Variants in CENPP observed in about 807,000 individuals in gnomAD.
The protein encoded by CENPP is centromere protein P.
CENPP carries 24 observed loss-of-function variants against 35.6 expected under a neutral mutation model. That is an observed-to-expected ratio of 0.67 (90% confidence interval 0.49 to 0.95). The LOEUF is 0.95. Among genes scored for constraint, CENPP ranks in the 40% least tolerant of loss-of-function variants. The pLI is 0.00. For synonymous variants in CENPP, 120 were observed against 125.5 expected (o/e 0.96, Z 0.29); for missense variants, 332 against 345.3 (o/e 0.96, Z 0.31).
chr9:92,451,922 T>A (rs1844721750), intron 5 of CENPP, among the ~76,000 whole-genome samples: 1 of 151,996 alleles, frequency 6.6e-6, no homozygotes. Flanking sequence ...TGTATAAGAA[T>A]GCTTGTGATT....
chr9:92,615,874 G>A lies in CENPP; in HGVS notation c.*2725G>A, dbSNP rs1471694606. The A allele has an allele frequency of 6.2e-7, 1 of 1,613,992 alleles. No individual in the cohort carries two copies. Among genetic ancestry groups the A allele is most frequent in the African/African-American group, 1.3e-5 (1 of 74,904 alleles). ...CTAATGTGCAATCTTCGCTTTCCTT[G>A]AACCGAGTCGACATCACGGCGTTGT... On this transcript the variant is annotated 3_prime_UTR_variant, in exon 8 of 8. Coordinates refer to ENST00000375587, the MANE Select transcript of CENPP (RefSeq NM_001012267.3).
chr9:92,421,113 TG>T (rs1489907664), intron 5 of CENPP, among the ~76,000 whole-genome samples: 1 of 152,160 alleles, frequency 6.6e-6, no homozygotes, highest in African/African-American at 2.4e-5. Flanking sequence ...GGTGCACTCT[TG>T]GCTCACCCTC....
chr9:92,591,040 C>A (rs1327262343), intron 5 of CENPP, among the ~76,000 whole-genome samples: 1 of 152,176 alleles, frequency 6.6e-6, no homozygotes, highest in Admixed American at 6.5e-5. Flanking sequence ...AACATTTCCA[C>A]TCATTGAAAT....
At chr9:92,563,448 G>C (rs967016915) in intron 5 of CENPP, among the ~76,000 whole-genome samples, 2 of 152,176 alleles carry the variant, frequency 1.3e-5, no homozygotes, top group Non-Finnish European at 2.9e-5. Flanking sequence ...TAATAATAAA[G>C]CATAGCTCTT....
chr9:92,600,078 T>C (rs1850872858), intron 5 of CENPP, among the ~76,000 whole-genome samples: 1 of 152,236 alleles, frequency 6.6e-6, no homozygotes, highest in Non-Finnish European at 1.5e-5. Context: ...ACAGACTGTA[T>C]ATACCTAAGT....
At chr9:92,498,773 A>G (rs1229711885) in intron 5 of CENPP, among the ~76,000 whole-genome samples, 1 of 152,208 alleles carries the variant, frequency 6.6e-6, no homozygotes, top group Admixed American at 6.5e-5. Context: ...TCATTTTGAA[A>G]CAATTGTTTA....
intron 5 of CENPP, among the ~76,000 whole-genome samples, chr9:92,585,937 T>C (rs1850529164): frequency 6.6e-6 from 1 of 152,244 alleles, no homozygotes; most frequent in Non-Finnish European, 1.5e-5. Context: ...TTGTTCATTC[T>C]GACCTGTCTG....
chr9:92,382,372 G>A (rs1842272156), intron 5 of CENPP, among the ~76,000 whole-genome samples: 1 of 151,836 alleles, frequency 6.6e-6, no homozygotes, highest in Non-Finnish European at 1.5e-5. Flanking sequence ...TCTTTGTGTT[G>A]GGAACCGTCA....
intron 5 of CENPP, among the ~76,000 whole-genome samples, chr9:92,438,258 A>C (rs915840485): frequency 2.0e-5 from 3 of 152,108 alleles, no homozygotes; most frequent in African/African-American, 7.2e-5. Flanking sequence ...GTTTTGATTT[A>C]ATTTTTGTGT....
At chr9:92,457,440 C>G in intron 5 of CENPP, 1 of 1,613,280 alleles carries the variant, frequency 6.2e-7, no homozygotes, top group Non-Finnish European at 8.5e-7. Flanking sequence ...GGACAGAAGT[C>G]ATTTACTCCC....
intron 5 of CENPP, among the ~76,000 whole-genome samples, chr9:92,427,238 C>T (rs1843990494): frequency 1.3e-5 from 2 of 152,234 alleles, no homozygotes; most frequent in Admixed American, 1.3e-4. Flanking sequence ...TCTTGGCTCA[C>T]TGCAGCCTCC....
At chr9:92,526,885 C>T (rs530533346) in intron 5 of CENPP, among the ~76,000 whole-genome samples, 1 of 152,136 alleles carries the variant, frequency 6.6e-6, no homozygotes, top group Non-Finnish European at 1.5e-5. Flanking sequence ...ACTGACTCAC[C>T]GGAGTGACTT....
chr9:92,460,376 C>T, intron 5 of CENPP: 1 of 732,690 alleles, frequency 1.4e-6, no homozygotes, highest in South Asian at 1.9e-5. Flanking sequence ...TCTCCAGTTC[C>T]AACAGCAACT....
At chr9:92,556,117 T>G (rs1849718909) in intron 5 of CENPP, among the ~76,000 whole-genome samples, 1 of 152,218 alleles carries the variant, frequency 6.6e-6, no homozygotes, top group South Asian at 2.1e-4. Context: ...AATAATTTTT[T>G]AATTTCCATC....
intron 5 of CENPP, among the ~76,000 whole-genome samples, chr9:92,391,416 A>T (rs147887459): frequency 1.8e-3 from 266 of 151,984 alleles, no homozygotes; most frequent in African/African-American, 6.1e-3. Context: ...CAAAAAATAA[A>T]TAAATTAAAT....
intron 5 of CENPP, among the ~76,000 whole-genome samples, chr9:92,464,256 T>C (rs1845221278): frequency 6.6e-6 from 1 of 152,194 alleles, no homozygotes; most frequent in Non-Finnish European, 1.5e-5. Flanking sequence ...AGAACACTGG[T>C]CATCTGGCAG....
chr9:92,504,758 C>CA (rs1243432975), intron 5 of CENPP, among the ~76,000 whole-genome samples: 1 of 152,152 alleles, frequency 6.6e-6, no homozygotes, highest in African/African-American at 2.4e-5. Flanking sequence ...AGGCTACTCT[C>CA]AAACTCCTGG....
chr9:92,387,370 C>G (rs1842477629), intron 5 of CENPP, among the ~76,000 whole-genome samples: 3 of 149,480 alleles, frequency 2.0e-5, no homozygotes, highest in Admixed American at 1.3e-4. Context: ...AACGAGACTC[C>G]ATCTCAAGAA....
chr9:92,562,946 A>G (rs1849883302), intron 5 of CENPP, among the ~76,000 whole-genome samples: 1 of 152,194 alleles, frequency 6.6e-6, no homozygotes, highest in Non-Finnish European at 1.5e-5. Flanking sequence ...CTGGAAGATG[A>G]TATCATCATT....
Sources: allele counts gnomAD v4.1 joint callset (sites outside exome capture counted in the v4.1 genomes callset), GRCh38; gene constraint gnomAD v4.1.1; transcripts MANE v1.5; gene names NCBI Gene and HGNC (gene_info 2026-07-23, HGNC 2026-07-21).